Variants in TRPM3 observed in about 807,000 individuals in gnomAD.
TRPM3 encodes the protein transient receptor potential cation channel subfamily M member 3.
Under a neutral mutation model 181.2 loss-of-function variants are expected in TRPM3, and 77 were observed. That is an observed-to-expected ratio of 0.42 (90% confidence interval 0.35 to 0.51). The LOEUF (loss-of-function observed/expected upper bound fraction) is 0.51, where lower values mean the gene tolerates loss of function less well. Among genes scored for constraint, TRPM3 ranks in the 20% least tolerant of loss-of-function variants. TRPM3 has a pLI of 0.01. For synonymous variants in TRPM3, 745 were observed against 796.4 expected (o/e 0.94, Z 1.09); for missense variants, 1,759 against 2,196.7 (o/e 0.80, Z 3.98).
intron 1 of TRPM3, among the ~76,000 whole-genome samples, chr9:71,294,989 C>T (rs1220553985): frequency 6.6e-6 from 1 of 152,096 alleles, no homozygotes; most frequent in Non-Finnish European, 1.5e-5. Flanking sequence ...GTAATTATCT[C>T]TGTAAGAGGA....
chr9:71,041,700 T>C (rs1034795074), intron 1 of TRPM3, among the ~76,000 whole-genome samples: 1 of 152,160 alleles, frequency 6.6e-6, no homozygotes, highest in African/African-American at 2.4e-5. Context: ...CTGTCTTTGA[T>C]ATCTATACTT....
intron 1 of TRPM3, among the ~76,000 whole-genome samples, chr9:71,393,949 CATAG>C (rs1471695541): frequency 6.6e-6 from 1 of 151,960 alleles, no homozygotes; most frequent in Non-Finnish European, 1.5e-5. Context: ...TTAATGGATC[CATAG>C]ATAGTCTTCA....
At chr9:71,135,872 C>T (rs1235058542) in intron 1 of TRPM3, among the ~76,000 whole-genome samples, 1 of 152,164 alleles carries the variant, frequency 6.6e-6, no homozygotes, top group Non-Finnish European at 1.5e-5. Flanking sequence ...ATACAAAATA[C>T]AAACATTATT....
chr9:71,185,526 G>A (rs550909673), intron 1 of TRPM3, among the ~76,000 whole-genome samples: 2 of 152,166 alleles, frequency 1.3e-5, no homozygotes, highest in Middle Eastern at 3.4e-3. Flanking sequence ...TGTTACTGAC[G>A]TAGACCTGGC....
intron 1 of TRPM3, among the ~76,000 whole-genome samples, chr9:71,420,173 A>G (rs2093704019): frequency 1.3e-5 from 2 of 151,892 alleles, no homozygotes; most frequent in Admixed American, 6.6e-5. Context: ...GGGATCTGAG[A>G]TATCATGAGG....
Position 70,811,152 on chromosome 9 carries a change from TC to T in TRPM3, c.973+16694del, listed in dbSNP as rs766640628. On this transcript the variant is annotated intron_variant, in intron 6 of 25. Coordinates refer to ENST00000677713, the MANE Select transcript of TRPM3 (RefSeq NM_001366145.2). ...GGAGTTTAAGAAGAAATTCACATTT[TC>T]CATTAATTATACTTACCAACTGAGT... 9.5e-6 allele frequency: 15 copies of T among 1,587,204 alleles called. No individual in the cohort carries two copies. In the African/African-American group the frequency reaches 1.4e-4, roughly 14 times the overall value.
intron 1 of TRPM3, among the ~76,000 whole-genome samples, chr9:71,339,067 C>T (rs890525244): frequency 2.0e-5 from 3 of 151,988 alleles, no homozygotes; most frequent in African/African-American, 7.2e-5. Context: ...ATACTTCTTA[C>T]AGAGTAAGAC....
intron 22 of TRPM3, among the ~76,000 whole-genome samples, chr9:70,571,349 G>A (rs2052283913): frequency 1.3e-5 from 2 of 152,090 alleles, no homozygotes; most frequent in African/African-American, 2.4e-5. Flanking sequence ...AAAGATAAAC[G>A]AGTTGTTGCT....
At chr9:71,325,736 T>C (rs1012145860) in intron 1 of TRPM3, among the ~76,000 whole-genome samples, 1 of 151,856 alleles carries the variant, frequency 6.6e-6, no homozygotes, top group Non-Finnish European at 1.5e-5. Context: ...ATATTCTCCC[T>C]CTCATTCACA....
chr9:70,761,515 G>A (rs1377575924), intron 8 of TRPM3, 86 bp downstream of exon 8: 3 of 1,590,390 alleles, frequency 1.9e-6, no homozygotes, highest in East Asian at 2.2e-5. Context: ...AAGAGAGAAT[G>A]TTGCATGATT....
intron 1 of TRPM3, among the ~76,000 whole-genome samples, chr9:71,069,129 T>G (rs1433969675): frequency 6.6e-6 from 1 of 152,228 alleles, no homozygotes; most frequent in Non-Finnish European, 1.5e-5. Flanking sequence ...AAGCTGCCTA[T>G]GTACTCATAT....
chr9:71,389,888 C>T (rs959851481), intron 1 of TRPM3, among the ~76,000 whole-genome samples: 12 of 151,902 alleles, frequency 7.9e-5, no homozygotes, highest in Non-Finnish European at 1.3e-4. Flanking sequence ...ATAGTATATA[C>T]CAAAAGCTTA....
chr9:71,298,271 G>A (rs2086466564), intron 1 of TRPM3, among the ~76,000 whole-genome samples: 2 of 151,912 alleles, frequency 1.3e-5, no homozygotes, highest in Admixed American at 1.3e-4. Flanking sequence ...TGTTTGTTTT[G>A]CTTCTCATCA....
At chr9:70,631,230 A>G (rs749123941) in intron 12 of TRPM3, among the ~76,000 whole-genome samples, 1 of 152,228 alleles carries the variant, frequency 6.6e-6, no homozygotes, top group African/African-American at 2.4e-5. Context: ...CCCAATGTAC[A>G]GCCCCTTAAC....
intron 1 of TRPM3, among the ~76,000 whole-genome samples, chr9:71,286,467 T>A (rs1424454028): frequency 1.3e-5 from 2 of 152,126 alleles, no homozygotes; most frequent in Non-Finnish European, 2.9e-5. Flanking sequence ...AATTCTTTAA[T>A]ACATCACTAA....
chr9:70,994,299 C>A, intron 1 of TRPM3, among the ~76,000 whole-genome samples: 1 of 152,066 alleles, frequency 6.6e-6, no homozygotes, highest in East Asian at 1.9e-4. Context: ...GCTGTTGATA[C>A]AAAATACCTT....
At position 70,843,130 on chromosome 9, in the gene TRPM3, A is replaced by T. The variant is rs751980233; in HGVS notation, c.677-3T>A. 5.5e-6 allele frequency: 7 copies of T among 1,274,610 alleles called. No individual in the cohort carries two copies. Among genetic ancestry groups the T allele is most frequent in the African/African-American group, 3.2e-5 (1 of 31,562 alleles). The allele number at this position is 1,274,610 out of a possible 1,614,324, so 79.0% of individuals were successfully genotyped here. A position where few individuals can be genotyped will look rare whatever the true frequency, so the allele number is the denominator to read the frequency against. ...ATCGCCAACATGACGAATAACACCT[A>T]AAAAAAAAAGAGAAGCATTGATTTT... On this transcript the variant is annotated splice_polypyrimidine_tract_variant and splice_region_variant and intron_variant, in intron 4 of 25. Transcript: ENST00000677713.
chr9:71,279,080 C>T (rs2084485906), intron 1 of TRPM3, among the ~76,000 whole-genome samples: 1 of 140,214 alleles, frequency 7.1e-6, no homozygotes, highest in African/African-American at 2.6e-5. Flanking sequence ...CCACCAACGA[C>T]CATTTATGCT....
intron 7 of TRPM3, among the ~76,000 whole-genome samples, chr9:70,779,486 G>C (rs1381126016): frequency 6.6e-6 from 1 of 152,130 alleles, no homozygotes; most frequent in African/African-American, 2.4e-5. Context: ...TTTTATGGGT[G>C]AAGTACTTGC....
Sources: gnomAD v4.1 joint callset for allele counts (sites outside exome capture counted in the v4.1 genomes callset) on GRCh38, gnomAD v4.1.1 for gene constraint, MANE v1.5 for transcripts, NCBI Gene and HGNC (gene_info 2026-07-23, HGNC 2026-07-21) for gene names.